TAFA1: variants seen among roughly 807,000 people sequenced by gnomAD.
TAFA1 encodes the protein chemokine-like protein TAFA-1.
TAFA1 carries 4 observed loss-of-function variants against 18.5 expected under a neutral mutation model. The observed-to-expected ratio is 0.22, with a 90% CI of 0.11 to 0.49. The LOEUF (loss-of-function observed/expected upper bound fraction) is 0.49, where lower values mean the gene tolerates loss of function less well. TAFA1 is among the 20% of genes least tolerant of loss of function. The pLI, the probability that TAFA1 is intolerant of heterozygous loss-of-function variation, is 0.98. For missense variants in TAFA1, 147 were observed against 169.0 expected (o/e 0.87, Z 0.72); for synonymous variants, 56 against 55.2 (o/e 1.01, Z -0.06).
rs557419351 is a variant in TAFA1, at chr3:68,260,966, C to T, written c.119-156314C>T. 1.5e-3 allele frequency among the ~76,000 whole-genome samples: 232 copies of T among 152,178 alleles called. 1 individual carries two copies. The highest frequency in any genetic ancestry group is 5.3e-3 in the African/African-American group (218 of 41,504). On this transcript the variant is annotated intron_variant, in intron 2 of 4. Coordinates refer to ENST00000478136, the MANE Select transcript of TAFA1 (RefSeq NM_213609.4). ...GCTTCTGCACAGCAAAAGAAACTAA[C>T]GTCAGAGTGAACAGGCAACCTACAG... is the stretch of plus-strand genomic sequence containing the variant.
At chr3:68,178,153 A>AG (rs1278997189) in intron 2 of TAFA1, among the ~76,000 whole-genome samples, 3 of 96,546 alleles carry the variant, frequency 3.1e-5, no homozygotes, top group Non-Finnish European at 8.1e-5. Context: ...CCCCCTCCCC[A>AG]AAAAAAAATA....
At chr3:68,088,936 G>A (rs1372740957) in intron 2 of TAFA1, among the ~76,000 whole-genome samples, 1 of 152,080 alleles carries the variant, frequency 6.6e-6, no homozygotes, top group Non-Finnish European at 1.5e-5. Context: ...TGGTAACTAG[G>A]ATGTAGGGGG....
intron 2 of TAFA1, among the ~76,000 whole-genome samples, chr3:68,047,747 C>T (rs892366621): frequency 1.3e-5 from 2 of 152,098 alleles, no homozygotes; most frequent in East Asian, 1.9e-4. Flanking sequence ...AATATAATCA[C>T]CCAATAGACA....
intron 2 of TAFA1, among the ~76,000 whole-genome samples, chr3:68,121,119 A>G (rs936980610): frequency 8.5e-5 from 13 of 152,202 alleles, no homozygotes; most frequent in Non-Finnish European, 1.8e-4. Context: ...GATTTCTCCA[A>G]GGAAAAGTAT....
intron 2 of TAFA1, among the ~76,000 whole-genome samples, chr3:68,142,056 G>A (rs548550982): frequency 6.6e-6 from 1 of 152,200 alleles, no homozygotes; most frequent in South Asian, 2.1e-4. Context: ...TTTGGCTTCT[G>A]CCCTTTTACC....
intron 2 of TAFA1, among the ~76,000 whole-genome samples, chr3:68,169,494 A>G (rs772445380): frequency 1.3e-5 from 2 of 152,248 alleles, no homozygotes; most frequent in Non-Finnish European, 2.9e-5. Context: ...TAGCTGCTTG[A>G]TCACATATCC....
At chr3:68,236,531 G>A (rs563111798) in intron 2 of TAFA1, among the ~76,000 whole-genome samples, 1 of 152,166 alleles carries the variant, frequency 6.6e-6, no homozygotes, top group Non-Finnish European at 1.5e-5. Flanking sequence ...AGGTACTAAT[G>A]AACTGAACCT....
At chr3:68,470,665 G>A (rs1456461543) in intron 3 of TAFA1, among the ~76,000 whole-genome samples, 1 of 152,130 alleles carries the variant, frequency 6.6e-6, no homozygotes, top group Non-Finnish European at 1.5e-5. Flanking sequence ...TTAATTTAGG[G>A]CATCTGGCAA....
chr3:68,011,631 A>G (rs558369314), intron 2 of TAFA1, among the ~76,000 whole-genome samples: 1 of 152,344 alleles, frequency 6.6e-6, no homozygotes, highest in South Asian at 2.1e-4. Context: ...TATAACTGTA[A>G]TATAAAAGAA....
At chr3:68,260,453 A>G (rs570993021) in intron 2 of TAFA1, among the ~76,000 whole-genome samples, 1 of 152,290 alleles carries the variant, frequency 6.6e-6, no homozygotes, top group South Asian at 2.1e-4. Flanking sequence ...CTGGCCTCAT[A>G]AAATGAGTTA....
At chr3:68,101,768 G>A (rs2106818627) in intron 2 of TAFA1, among the ~76,000 whole-genome samples, 1 of 152,222 alleles carries the variant, frequency 6.6e-6, no homozygotes, top group Non-Finnish European at 1.5e-5. Context: ...GTATTTTAGA[G>A]TAGAGTCATG....
chr3:68,375,648 G>A (rs1458194907), intron 2 of TAFA1, among the ~76,000 whole-genome samples: 1 of 152,140 alleles, frequency 6.6e-6, no homozygotes, highest in African/African-American at 2.4e-5. Flanking sequence ...TAAAACAGAT[G>A]TGAAGTCTGC....
chr3:68,502,136 AT>A (rs1241706775), intron 3 of TAFA1, among the ~76,000 whole-genome samples: 1 of 152,136 alleles, frequency 6.6e-6, no homozygotes, highest in Non-Finnish European at 1.5e-5. Flanking sequence ...TTATAATACT[AT>A]TTTTGCTCTC....
At chr3:67,999,268 C>T (rs1344010101), upstream of TAFA1, among the ~76,000 whole-genome samples, 1 of 7,870 alleles carries the variant, frequency 1.3e-4, no homozygotes, top group African/African-American at 4.9e-4. Flanking sequence ...TTCTCTCTAT[C>T]CCCCCCCCCC....
chr3:68,538,886 T>A lies in TAFA1; in HGVS notation c.384+6T>A. On this transcript the variant is annotated splice_donor_region_variant and intron_variant, in intron 4 of 4. Coordinates refer to ENST00000478136, the MANE Select transcript of TAFA1 (RefSeq NM_213609.4). Reference sequence around the variant, plus strand: ...ACAAAATTAAGACCACGAGAGTAAGTGCACTTATTTCAAATGTATTTTGGA... The same window carrying A: ...ACAAAATTAAGACCACGAGAGTAAGAGCACTTATTTCAAATGTATTTTGGA... 3.1e-6 allele frequency: 5 copies of A among 1,613,234 alleles called. No homozygotes were observed. The highest frequency in any genetic ancestry group is 4.2e-6 in the Non-Finnish European group (5 of 1,179,450).
intron 2 of TAFA1, among the ~76,000 whole-genome samples, chr3:68,189,302 C>G (rs937428977): frequency 1.3e-5 from 2 of 151,858 alleles, no homozygotes; most frequent in African/African-American, 2.4e-5. Flanking sequence ...TTTTATAGTA[C>G]AAGAAATCTA....
At chr3:68,057,211 T>C (rs1249383483) in intron 2 of TAFA1, among the ~76,000 whole-genome samples, 2 of 152,198 alleles carry the variant, frequency 1.3e-5, no homozygotes, top group Admixed American at 1.3e-4. Context: ...TTTGGCAGTG[T>C]GATAATTCAA....
chr3:68,097,061 C>A (rs1286614930), intron 2 of TAFA1, among the ~76,000 whole-genome samples: 4 of 152,084 alleles, frequency 2.6e-5, no homozygotes, highest in Non-Finnish European at 5.9e-5. Flanking sequence ...GATTTAATAA[C>A]AGATGCTCTG....
At chr3:68,495,998 CAAAAAAAAAAAAAAA>C (rs199520960) in intron 3 of TAFA1, among the ~76,000 whole-genome samples, 257 of 107,530 alleles carry the variant, frequency 2.4e-3, no homozygotes, top group Middle Eastern at 5.4e-3. Flanking sequence ...TTCCCTGAAG[CAAAAAAAAAAAAAAA>C]AAAAAAAAAA....
Sources: allele counts gnomAD v4.1 joint callset (sites outside exome capture counted in the v4.1 genomes callset), GRCh38; gene constraint gnomAD v4.1.1; transcripts MANE v1.5; gene names NCBI Gene and HGNC (gene_info 2026-07-23, HGNC 2026-07-21).